The following RAB6A variants were observed in gnomAD, a reference collection of about 807,000 sequenced individuals.
The protein encoded by RAB6A is ras-related protein Rab-6A.
RAB6A carries 8 observed loss-of-function variants against 32.3 expected under a neutral mutation model. The observed-to-expected ratio is 0.25, with a 90% confidence interval of 0.15 to 0.45. The LOEUF (loss-of-function observed/expected upper bound fraction) is 0.45. Among genes scored for constraint, RAB6A ranks in the 20% least tolerant of loss-of-function variants. The pLI is 1.00. For missense variants in RAB6A, 104 were observed against 249.4 expected (o/e 0.42, Z 3.93); for synonymous variants, 73 against 82.1 (o/e 0.89, Z 0.60).
chr11:73,746,498 ACT>A (rs1158590071), intron 1 of RAB6A, among the ~76,000 whole-genome samples: 2 of 152,006 alleles, frequency 1.3e-5, no homozygotes, highest in African/African-American at 4.8e-5. Flanking sequence ...ACAGAGTGAG[ACT>A]CTGTCTCTTA....
intron 6 of RAB6A, among the ~76,000 whole-genome samples, chr11:73,705,786 G>GAGAGA (rs1480900057): frequency 4.6e-5 from 7 of 151,664 alleles, no homozygotes; most frequent in Middle Eastern, 3.4e-3. Context: ...GAGAGAGAGA[G>GAGAGA]AGAGAGAGAG....
chr11:73,684,580 T>C (rs1038603539), intron 6 of RAB6A, among the ~76,000 whole-genome samples: 5 of 152,254 alleles, frequency 3.3e-5, no homozygotes, highest in Admixed American at 2.6e-4. Context: ...ATTTTATTGA[T>C]ATATTCACTT....
chr11:73,704,875 A>C (rs931251833), intron 6 of RAB6A, among the ~76,000 whole-genome samples: 36 of 151,822 alleles, frequency 2.4e-4, no homozygotes, highest in African/African-American at 8.2e-4. Flanking sequence ...GGGCGCCTGT[A>C]GTCCCAGCTG....
intron 6 of RAB6A, among the ~76,000 whole-genome samples, chr11:73,703,015 T>C (rs1945772299): frequency 6.6e-6 from 1 of 151,784 alleles, no homozygotes. Context: ...TGAGACCACA[T>C]CCAGCTAATT....
intron 6 of RAB6A, among the ~76,000 whole-genome samples, chr11:73,695,842 T>G (rs1002960751): frequency 1.1e-4 from 17 of 152,212 alleles, no homozygotes; most frequent in African/African-American, 3.9e-4. Flanking sequence ...GCTAGTACAG[T>G]AATTAGTTCA....
At chr11:73,689,610 C>G (rs1945513167) in intron 6 of RAB6A, among the ~76,000 whole-genome samples, 1 of 152,176 alleles carries the variant, frequency 6.6e-6, no homozygotes, top group Non-Finnish European at 1.5e-5. Context: ...ATAACTCTTT[C>G]AACCAATTGC....
chr11:73,754,208 G>C (rs1490853076), intron 1 of RAB6A, among the ~76,000 whole-genome samples: 2 of 152,158 alleles, frequency 1.3e-5, no homozygotes, highest in Non-Finnish European at 2.9e-5. Context: ...ATCATTAACT[G>C]TATGTACCAC....
chr11:73,744,511 CAAAAAAAAAAAAAAAAAA>C (rs555388622), intron 1 of RAB6A, among the ~76,000 whole-genome samples: 13 of 63,748 alleles, frequency 2.0e-4, no homozygotes, highest in African/African-American at 6.6e-4. Context: ...ACCCTGTCTC[CAAAAAAAAAAAAAAAAAA>C]AAAAAAAAAA....
chr11:73,760,221 G>A (rs1946822142), intron 1 of RAB6A: 3 of 817,252 alleles, frequency 3.7e-6, no homozygotes, highest in Admixed American at 2.7e-5. Flanking sequence ...TGGGGCTCAA[G>A]AAAGGGGGCC....
chr11:73,751,098 C>T (rs1565380736), intron 1 of RAB6A, among the ~76,000 whole-genome samples: 1 of 151,974 alleles, frequency 6.6e-6, no homozygotes. Flanking sequence ...AGTCACCATG[C>T]CCCCCGGCCA....
chr11:73,692,084 A>G (rs914012886), intron 6 of RAB6A, among the ~76,000 whole-genome samples: 1 of 152,202 alleles, frequency 6.6e-6, no homozygotes, highest in Non-Finnish European at 1.5e-5. Flanking sequence ...TTCTTTGGGT[A>G]TAACTATCCA....
At chr11:73,732,506 A>T (rs1437721520) in intron 1 of RAB6A, among the ~76,000 whole-genome samples, 4 of 152,180 alleles carry the variant, frequency 2.6e-5, no homozygotes, top group Middle Eastern at 3.2e-3. Context: ...GAATGGCGTG[A>T]ACCCGGGAGG....
chr11:73,740,486 G>A (rs186460294), intron 1 of RAB6A, among the ~76,000 whole-genome samples: 2 of 152,126 alleles, frequency 1.3e-5, no homozygotes, highest in African/African-American at 4.8e-5. Flanking sequence ...CTACTTCAGT[G>A]TAACTTACCT....
intron 6 of RAB6A, among the ~76,000 whole-genome samples, chr11:73,698,753 T>A (rs1945694009): frequency 6.6e-6 from 1 of 151,540 alleles, no homozygotes; most frequent in Non-Finnish European, 1.5e-5. Context: ...GGTAGTCTTG[T>A]ATCATACATA....
chr11:73,740,208 T>A (rs529763815), intron 1 of RAB6A, among the ~76,000 whole-genome samples: 44 of 152,310 alleles, frequency 2.9e-4, no homozygotes, highest in Non-Finnish European at 5.3e-4. Flanking sequence ...TTTTTACTTT[T>A]TCCCACAAAA....
chr11:73,760,674 A>C lies in RAB6A; in HGVS notation c.-39T>G. Reference sequence around the variant, plus strand: ...GAGCGGCCGCCGCCTCAGCCTAGAGACCTCCCGGACCGATGCTGCTCCAGC... The same window carrying C: ...GAGCGGCCGCCGCCTCAGCCTAGAGCCCTCCCGGACCGATGCTGCTCCAGC... On this transcript the variant is annotated 5_prime_UTR_variant, in exon 1 of 8. Coordinates refer to ENST00000336083, the MANE Select transcript of RAB6A (RefSeq NM_198896.2). 1.3e-6 allele frequency: 2 copies of C among 1,585,942 alleles called. No homozygotes were observed. The highest frequency in any genetic ancestry group is 1.4e-5 in the African/African-American group (1 of 73,904).
chr11:73,717,119 A>G (rs1565362004), intron 4 of RAB6A, among the ~76,000 whole-genome samples: 1 of 152,346 alleles, frequency 6.6e-6, no homozygotes, highest in East Asian at 1.9e-4. Context: ...TTAAACAAAC[A>G]GCAACCCAAA....
intron 2 of RAB6A, among the ~76,000 whole-genome samples, chr11:73,728,794 A>G (rs577080829): frequency 1.4e-4 from 21 of 151,926 alleles, no homozygotes; most frequent in Non-Finnish European, 2.9e-4. Flanking sequence ...GTTGAATATT[A>G]GAGTAACTGA....
At chr11:73,727,736 T>C (rs1946243592) in intron 2 of RAB6A, among the ~76,000 whole-genome samples, 1 of 152,232 alleles carries the variant, frequency 6.6e-6, no homozygotes, top group Non-Finnish European at 1.5e-5. Context: ...TAAGAGGATT[T>C]AGATTTTAAG....
Sources: gnomAD v4.1 joint callset for allele counts (sites outside exome capture counted in the v4.1 genomes callset) on GRCh38, gnomAD v4.1.1 for gene constraint, MANE v1.5 for transcripts, NCBI Gene and HGNC (gene_info 2026-07-23, HGNC 2026-07-21) for gene names.